CLYBL: variants seen among roughly 807,000 people sequenced by gnomAD.
The protein encoded by CLYBL is citramalyl-CoA lyase, mitochondrial.
Under a neutral mutation model 38.9 loss-of-function variants are expected in CLYBL, and 31 were observed. That is an observed-to-expected ratio of 0.80 (90% CI 0.60 to 1.08). CLYBL has a LOEUF of 1.08. Among genes scored for constraint, CLYBL ranks in the 50% least tolerant of loss-of-function variants. The probability of loss-of-function intolerance (pLI) is 0.00; values close to 1 mark genes in which losing one functional copy is unlikely to be tolerated. For missense variants in CLYBL, 434 were observed against 411.6 expected (o/e 1.05, Z -0.47); for synonymous variants, 171 against 158.6 (o/e 1.08, Z -0.59).
At chr13:99,745,008 C>G (rs1234173061) in intron 1 of CLYBL, among the ~76,000 whole-genome samples, 1 of 152,194 alleles carries the variant, frequency 6.6e-6, no homozygotes, top group Non-Finnish European at 1.5e-5. Context: ...GAGATTGTCA[C>G]CCAACATACT....
At chr13:99,845,175 A>G (rs952343369) in intron 2 of CLYBL, among the ~76,000 whole-genome samples, 1 of 152,166 alleles carries the variant, frequency 6.6e-6, no homozygotes, top group African/African-American at 2.4e-5. Flanking sequence ...TCTCGCATGA[A>G]GGATACAATT....
chr13:99,665,992 C>A (rs2047475874), intron 1 of CLYBL, among the ~76,000 whole-genome samples: 1 of 152,070 alleles, frequency 6.6e-6, no homozygotes, highest in Non-Finnish European at 1.5e-5. Context: ...AGAGATTAAT[C>A]TTTTCCAAGA....
At chr13:99,662,890 C>T (rs2047429777) in intron 1 of CLYBL, among the ~76,000 whole-genome samples, 2 of 152,142 alleles carry the variant, frequency 1.3e-5, no homozygotes, top group Non-Finnish European at 2.9e-5. Context: ...TACTTTGCAA[C>T]CGGCCACTGT....
chr13:99,644,951 G>T (rs2047155508), intron 1 of CLYBL, among the ~76,000 whole-genome samples: 8 of 152,154 alleles, frequency 5.3e-5, no homozygotes. Context: ...CCAAATCTTT[G>T]CTATTGTGAA....
intron 1 of CLYBL, among the ~76,000 whole-genome samples, chr13:99,745,721 T>A (rs1251670448): frequency 6.6e-6 from 1 of 152,192 alleles, no homozygotes; most frequent in Admixed American, 6.5e-5. Context: ...ATACACGTGA[T>A]TCGTGATCAC....
chr13:99,816,923 G>A (rs1395182274), intron 2 of CLYBL, among the ~76,000 whole-genome samples: 1 of 152,248 alleles, frequency 6.6e-6, no homozygotes, highest in South Asian at 2.1e-4. Flanking sequence ...TGGGGAGCCT[G>A]AACGTGCGCT....
At chr13:99,641,848 G>A (rs753336784) in intron 1 of CLYBL, among the ~76,000 whole-genome samples, 20 of 151,864 alleles carry the variant, frequency 1.3e-4, no homozygotes, top group Admixed American at 3.9e-4. Context: ...AGGAAAGAAG[G>A]TACAGAAATG....
At chr13:99,860,907 G>C (rs752350441) in intron 3 of CLYBL, among the ~76,000 whole-genome samples, 1 of 152,128 alleles carries the variant, frequency 6.6e-6, no homozygotes, top group Non-Finnish European at 1.5e-5. Context: ...ACGGCTTATT[G>C]GACTATAACA....
In CLYBL at chr13:99,624,081, C is replaced by T. The variant is rs145770915; in HGVS notation, c.62+17324C>T. Among the ~76,000 whole-genome samples the T allele has an allele frequency of 8.2e-3, 1,145 of 139,300 alleles. 17 individuals are homozygous for T. Among genetic ancestry groups the T allele is most frequent in the South Asian group, 0.049 (197 of 3,992 alleles). 91.4% of individuals were successfully genotyped at this position (139,300 alleles called of 152,430 possible). ...CAACATCAGATAGATACCTAAAGGC[C>T]ATGTCTTTGGAACAGGGGTAACCAC... On this transcript the variant is annotated intron_variant, in intron 1 of 8. Coordinates refer to ENST00000339105, the MANE Select transcript of CLYBL (RefSeq NM_206808.5).
chr13:99,631,605 T>C (rs1163342589), intron 1 of CLYBL, among the ~76,000 whole-genome samples: 2 of 142,924 alleles, frequency 1.4e-5, no homozygotes, highest in South Asian at 2.1e-4. Flanking sequence ...TCACACCAAA[T>C]TTTTTTTTTT....
At chr13:99,742,718 T>C (rs2048777180) in intron 1 of CLYBL, among the ~76,000 whole-genome samples, 1 of 152,232 alleles carries the variant, frequency 6.6e-6, no homozygotes, top group African/African-American at 2.4e-5. Flanking sequence ...ATTTTCTTAA[T>C]AAGTTTGAAT....
chr13:99,752,739 A>C (rs1324409210), intron 1 of CLYBL, among the ~76,000 whole-genome samples: 1 of 151,876 alleles, frequency 6.6e-6, no homozygotes, highest in Non-Finnish European at 1.5e-5. Context: ...CATGGCTCAA[A>C]GGCCCCACCT....
At chr13:99,880,557 G>C (rs1048909402) in intron 7 of CLYBL, among the ~76,000 whole-genome samples, 1 of 152,208 alleles carries the variant, frequency 6.6e-6, no homozygotes, top group African/African-American at 2.4e-5. Flanking sequence ...ACCTCTGCAT[G>C]AAGCTGCTTC....
At chr13:99,870,891 C>T in intron 6 of CLYBL, 47 bp from the exon 7 acceptor site, 3 of 1,553,400 alleles carry the variant, frequency 1.9e-6, no homozygotes, top group South Asian at 1.3e-5. Flanking sequence ...TTTGTTTGAA[C>T]ATCTGTTCGT....
chr13:99,812,766 C>T (rs1392029715), intron 2 of CLYBL, among the ~76,000 whole-genome samples: 2 of 152,114 alleles, frequency 1.3e-5, no homozygotes, highest in Non-Finnish European at 2.9e-5. Context: ...CTCATGTCAC[C>T]AGTTATGGAA....
chr13:99,891,343 TGATC>T lies in CLYBL; in HGVS notation c.956_959del (p.Ile319ThrfsTer5). On this transcript the variant is annotated frameshift_variant, in exon 8 of 9. Coordinates refer to ENST00000339105, the MANE Select transcript of CLYBL (RefSeq NM_206808.5). LOFTEE classifies it high-confidence loss of function. Reference sequence around the variant, plus strand: ...GGGGCCTTTACTTTCCAAGGGAGTATGATCGACATGCCATTACTGAAGCAGGCCC... The same window carrying T: ...GGGGCCTTTACTTTCCAAGGGAGTATGACATGCCATTACTGAAGCAGGCCC... 1 of 1,613,846 alleles carries T rather than the reference TGATC, an allele frequency of 6.2e-7. No homozygotes were observed.
At chr13:99,894,551 AGTGGTGATCACT>A (rs2052548105), downstream of CLYBL, 1 of 152,226 alleles carries the variant, frequency 6.6e-6, no homozygotes, top group African/African-American at 2.4e-5. Context: ...TGGGAACATC[AGTGGTGATCACT>A]GTAGATTAGT....
chr13:99,800,475 T>A (rs2050109874), intron 2 of CLYBL, among the ~76,000 whole-genome samples: 2 of 152,078 alleles, frequency 1.3e-5, no homozygotes, highest in Non-Finnish European at 1.5e-5. Flanking sequence ...TGGAGAGAAA[T>A]CCTGTCCTGA....
rs1594115669 is a variant in CLYBL, at chr13:99,678,930, C to G, written c.62+72173C>G. Among the ~76,000 whole-genome samples, 4 of 152,252 alleles carry G rather than the reference C, an allele frequency of 2.6e-5. No individual in the cohort carries two copies. The South Asian group carries it at 8.3e-4, about 32-fold the overall frequency. On this transcript the variant is annotated intron_variant, in intron 1 of 8. Transcript: ENST00000339105. ...TTGAGGACCTAGTATGTGCTGGACA[C>G]TTAGGTAACCATTGTTTCTCTCACT...
Sources: gnomAD v4.1 joint callset for allele counts (sites outside exome capture counted in the v4.1 genomes callset) on GRCh38, gnomAD v4.1.1 for gene constraint, MANE v1.5 for transcripts, NCBI Gene and HGNC (gene_info 2026-07-23, HGNC 2026-07-21) for gene names.